The following BRD4 variants were observed in gnomAD, a reference collection of about 807,000 sequenced individuals.
BRD4 encodes bromodomain-containing protein 4.
Under a neutral mutation model 142.1 loss-of-function variants are expected in BRD4, and 16 were observed. The ratio of observed to expected loss-of-function variants is 0.11; its 90% CI spans 0.08 to 0.17. BRD4 has a LOEUF of 0.17. Ranked by LOEUF, BRD4 falls within the 10% of genes least tolerant of loss-of-function variation. BRD4 has a pLI of 1.00. For synonymous variants in BRD4, 833 were observed against 707.5 expected (o/e 1.18, Z -2.82); for missense variants, 1,424 against 1,810.9 (o/e 0.79, Z 3.88).
intron 7 of BRD4, among the ~76,000 whole-genome samples, chr19:15,260,212 G>A (rs1053343513): frequency 9.2e-5 from 14 of 152,306 alleles, no homozygotes; most frequent in African/African-American, 2.9e-4. Flanking sequence ...TCAATGACCC[G>A]AGAATTTAGA....
At chr19:15,327,350 C>T (rs2048116917) in intron 1 of BRD4, among the ~76,000 whole-genome samples, 2 of 152,106 alleles carry the variant, frequency 1.3e-5, no homozygotes, top group South Asian at 4.1e-4. Context: ...ACCAGCCAGG[C>T]CAACATGGTG....
rs189186359 is a variant in BRD4 at position 15,296,942 on chromosome 19, C to T, written c.-34-23809G>A. Among the ~76,000 whole-genome samples, 45 of 152,294 alleles carry T rather than the reference C, an allele frequency of 3.0e-4. No homozygotes were observed. The East Asian group carries it at 8.5e-3, about 29-fold the overall frequency. On this transcript the variant is annotated intron_variant, in intron 1 of 19. Coordinates refer to ENST00000679869, the MANE Select transcript of BRD4 (RefSeq NM_001379291.1). Reference sequence around the variant, plus strand: ...GGCAGAAGCCCCCCCCACCAACAGCCACCACATGAAACAAACAGATACTTC... The same window carrying T: ...GGCAGAAGCCCCCCCCACCAACAGCTACCACATGAAACAAACAGATACTTC...
At chr19:15,303,963 T>G (rs2047892716) in intron 1 of BRD4, among the ~76,000 whole-genome samples, 1 of 152,190 alleles carries the variant, frequency 6.6e-6, no homozygotes, top group African/African-American at 2.4e-5. Flanking sequence ...TGATGCCCTC[T>G]GAGCCCCAAA....
intron 3 of BRD4, among the ~76,000 whole-genome samples, chr19:15,267,861 C>T (rs925742435): frequency 2.0e-5 from 3 of 152,194 alleles, no homozygotes; most frequent in Non-Finnish European, 4.4e-5. Flanking sequence ...CTGAAAGGGG[C>T]CCTCCTTTGA....
chr19:15,297,153 A>T (rs755760641), intron 1 of BRD4, among the ~76,000 whole-genome samples: 1 of 152,234 alleles, frequency 6.6e-6, no homozygotes, highest in Non-Finnish European at 1.5e-5. Flanking sequence ...TGACACACAA[A>T]GTCACAGGAT....
At chr19:15,312,140 C>T (rs562546925) in intron 1 of BRD4, among the ~76,000 whole-genome samples, 1 of 152,226 alleles carries the variant, frequency 6.6e-6, no homozygotes, top group Non-Finnish European at 1.5e-5. Context: ...CCTCACAGGG[C>T]TGGGTCAAAT....
At chr19:15,246,195 T>G (rs2047284564) in intron 11 of BRD4, among the ~76,000 whole-genome samples, 1 of 152,148 alleles carries the variant, frequency 6.6e-6, no homozygotes, top group African/African-American at 2.4e-5. Flanking sequence ...ATGAGAGAGA[T>G]ACTGTTGTGG....
At chr19:15,322,772 CAGG>C (rs774161322) in intron 1 of BRD4, among the ~76,000 whole-genome samples, 19 of 145,948 alleles carry the variant, frequency 1.3e-4, no homozygotes, top group Non-Finnish European at 2.1e-4. Context: ...GAGGCTGAAG[CAGG>C]AGAATAGCGT....
intron 11 of BRD4, chr19:15,253,454 C>T: frequency 8.4e-7 from 1 of 1,189,288 alleles, no homozygotes; most frequent in African/African-American, 1.5e-5. Context: ...ATGGGGAACC[C>T]AGGGTCCAAC....
At chr19:15,248,966 G>A (rs2145537719) in intron 11 of BRD4, 1 of 495,108 alleles carries the variant, frequency 2.0e-6, no homozygotes, top group Admixed American at 3.3e-5. Flanking sequence ...GTTGGGGATT[G>A]TCATCACCCT....
chr19:15,250,533 C>T (rs189223040), intron 11 of BRD4, among the ~76,000 whole-genome samples: 7 of 152,328 alleles, frequency 4.6e-5, no homozygotes, highest in Admixed American at 4.6e-4. Context: ...CCCACATGCT[C>T]CAATCCTGGG....
At chr19:15,310,357 T>TCCCCCCCCCCCCCCCC (rs1568407743) in intron 1 of BRD4, among the ~76,000 whole-genome samples, 1 of 51,308 alleles carries the variant, frequency 1.9e-5, no homozygotes, top group Non-Finnish European at 4.4e-5. Flanking sequence ...GATTTTTGGA[T>TCCCCCCCCCCCCCCCC]TCCCCCCCCC....
intron 9 of BRD4, among the ~76,000 whole-genome samples, 165 bp downstream of exon 9, chr19:15,255,899 C>G (rs2047403167): frequency 6.6e-6 from 1 of 152,230 alleles, no homozygotes; most frequent in South Asian, 2.1e-4. Context: ...GACAGTGCAG[C>G]TAAGTCCTGT....
chr19:15,270,124 T>TC (rs1244380525), intron 2 of BRD4, among the ~76,000 whole-genome samples: 1 of 152,006 alleles, frequency 6.6e-6, no homozygotes, highest in Non-Finnish European at 1.5e-5. Context: ...CAGAACCAAA[T>TC]CCAAGTGGAG....
chr19:15,242,852 T>G (rs570782588), intron 14 of BRD4, 48 bp downstream of exon 14: 2 of 1,565,498 alleles, frequency 1.3e-6, no homozygotes, highest in East Asian at 2.3e-5. Context: ...GACAAAACTA[T>G]AGGCCCAGCA....
chr19:15,331,958 G>A (rs1305978304), intron 1 of BRD4: 2 of 16,676 alleles, frequency 1.2e-4, no homozygotes, highest in African/African-American at 2.1e-4. Flanking sequence ...GCCCGCCCCC[G>A]ACCGCCGGCC....
intron 1 of BRD4, among the ~76,000 whole-genome samples, chr19:15,291,084 A>G (rs2047778576): frequency 6.6e-6 from 1 of 151,812 alleles, no homozygotes; most frequent in Non-Finnish European, 1.5e-5. Context: ...CTTATCACCC[A>G]CCACCACCAC....
At chr19:15,275,590 G>T (rs1468335621) in intron 1 of BRD4, 1 of 152,232 alleles carries the variant, frequency 6.6e-6, no homozygotes, top group Non-Finnish European at 1.5e-5. Flanking sequence ...GGCCCCTGAG[G>T]AAAGAAACTG....
intron 1 of BRD4, among the ~76,000 whole-genome samples, chr19:15,308,115 C>CAAAA (rs57642262): frequency 1.5e-3 from 32 of 21,182 alleles, no homozygotes; most frequent in African/African-American, 8.6e-3. Context: ...GACTCCGTCT[C>CAAAA]AAAAAAAAAA....
Sources: allele counts gnomAD v4.1 joint callset (sites outside exome capture counted in the v4.1 genomes callset), GRCh38; gene constraint gnomAD v4.1.1; transcripts MANE v1.5; gene names NCBI Gene and HGNC (gene_info 2026-07-23, HGNC 2026-07-21).